Variants in MYBPH observed in about 807,000 individuals in gnomAD.
MYBPH encodes myosin binding protein H, also known as myosin-binding protein H.
Under a neutral mutation model 53.6 loss-of-function variants are expected in MYBPH, and 49 were observed. The ratio of observed to expected loss-of-function variants is 0.91; its 90% confidence interval spans 0.73 to 1.16. The LOEUF (loss-of-function observed/expected upper bound fraction) is 1.16, where lower values mean the gene tolerates loss of function less well. Among genes scored for constraint, MYBPH ranks in the 50% most tolerant of loss-of-function variants. The pLI is 0.00. For synonymous variants in MYBPH, 239 were observed against 249.6 expected, an observed-to-expected ratio of 0.96 and a Z score of 0.40; for missense variants, 558 against 624.1, an observed-to-expected ratio of 0.89 and a Z score of 1.13.
rs766838702 is a variant in MYBPH at position 203,171,521 on chromosome 1, G to A, written c.655C>T (p.Arg219Trp). 45 of 1,613,502 alleles carry A rather than the reference G, an allele frequency of 2.8e-5. No individual in the cohort carries two copies. Among genetic ancestry groups the A allele is most frequent in the Admixed American group, 6.7e-5 (4 of 60,004 alleles). The change falls in exon 5 of 11, where the codon CGG becomes TGG. Residue 219 changes from arginine to tryptophan, a missense_variant. By Grantham distance (101) the Arg-to-Trp change is moderately radical (BLOSUM62 -3). Coordinates refer to ENST00000255416, the MANE Select transcript of MYBPH (RefSeq NM_004997.3). The surrounding 1 kb of genome is among the most constrained non-coding windows in gnomAD (Gnocchi z 4.2). ...TGGTCCCCGGTGCGCATGCTCACCCGCTGGCTGTCCAGGGCATGGCCGTTG... is the reference window on the plus strand; with the variant it reads ...TGGTCCCCGGTGCGCATGCTCACCCACTGGCTGTCCAGGGCATGGCCGTTG... ...THNGHALDSQRVSMRTGDQDS... is the reference protein window; with the variant it reads ...THNGHALDSQWVSMRTGDQDS...
intron 3 of MYBPH, among the ~76,000 whole-genome samples, chr1:203,172,900 T>G (rs1249854760): frequency 6.6e-6 from 1 of 152,100 alleles, no homozygotes; most frequent in African/African-American, 2.4e-5. Context: ...AGGAACACGG[T>G]GTCTCTGAGG....
Position 203,174,482 on chromosome 1 carries a change from C to G in MYBPH, c.456G>C (p.Gly152=), listed in dbSNP as rs768989543. The change falls in exon 3 of 11, where the codon GGG becomes GGC. Residue 152 remains glycine (G), a synonymous_variant. Coordinates refer to ENST00000255416, the MANE Select transcript of MYBPH (RefSeq NM_004997.3). ...GGTCCAGCATGGCCGGCGGGCCAGC[C>G]CCTGCAGAACTCACTGCAGACACGC... The part of the protein sequence containing the change: ...LLRVSAVSSA[G]AGPPAMLDQP... The G allele has an allele frequency of 1.2e-5, 19 of 1,612,106 alleles. No individual in the cohort carries two copies. The highest frequency in any genetic ancestry group is 1.6e-5 in the Non-Finnish European group (19 of 1,178,460).
rs778899411 is a variant in MYBPH at position 203,174,461 on chromosome 1, C to T, written c.477G>A (p.Leu159=). Residue 159 remains leucine, a synonymous_variant, in exon 3 of 11, where the codon CTG becomes CTA. Transcript: ENST00000255416. The part of the protein sequence containing the change: ...SSAGAGPPAM[L]DQPIHIRENI... ...TCTCTCGGATGTGGATGGGCTGGTC[C>T]AGCATGGCCGGCGGGCCAGCCCCTG... is the stretch of plus-strand genomic sequence containing the variant. 1 of 1,609,218 alleles carries T rather than the reference C, an allele frequency of 6.2e-7. No individual in the cohort carries two copies. Among genetic ancestry groups the T allele is most frequent in the South Asian group, 1.1e-5 (1 of 90,722 alleles).
Position 203,169,063 on chromosome 1 carries a change from C to T in MYBPH, c.1260G>A (p.Met420Ile). Residue 420 changes from methionine to isoleucine, a missense_variant, in exon 9 of 11, where the codon ATG becomes ATA. By Grantham distance (10) the Met-to-Ile change is conservative. Transcript: ENST00000255416. ...KPKIIWMKNKMEIQGNPKYRA... is the reference protein window; with the variant it reads ...KPKIIWMKNKIEIQGNPKYRA... The stretch of plus-strand genomic sequence containing the variant: ...GGTATTTGGGGTTGCCCTGGATCTC[C>T]ATCTTGTTTTTCATCCAGATGATCT... 6.2e-7 allele frequency: 1 copy of T among 1,613,954 alleles called. No individual in the cohort carries two copies. The highest frequency in any genetic ancestry group is 2.2e-5 in the East Asian group (1 of 44,880).
In MYBPH at chr1:203,171,404, C is replaced by T. The variant is rs1442476014; in HGVS notation, c.772G>A (p.Val258Ile). 1.2e-6 allele frequency: 2 copies of T among 1,613,312 alleles called. No individual in the cohort carries two copies. Among genetic ancestry groups the T allele is most frequent in the East Asian group, 2.2e-5 (1 of 44,890 alleles). Residue 258 changes from valine to isoleucine, a missense_variant, in exon 5 of 11, where the codon GTC becomes ATC. Physicochemically the swap from Val to Ile is conservative, Grantham distance 29. Coordinates refer to ENST00000255416, the MANE Select transcript of MYBPH (RefSeq NM_004997.3). The surrounding 1 kb of genome is among the most constrained non-coding windows in gnomAD (Gnocchi z 4.2). Reference protein sequence around the residue: ...VRVEDLEAKAVIDILVIEKPG... With the variant: ...VRVEDLEAKAIIDILVIEKPG... ...ATACCAATCACCAGGATGTCAATGA[C>T]TGCCTTGGCCTCCAGGTCTTCCACG...
intron 9 of MYBPH, 77 bp downstream of exon 9, chr1:203,168,829 G>T (rs1655637524): frequency 2.5e-6 from 4 of 1,588,244 alleles, no homozygotes; most frequent in Admixed American, 1.7e-5. Flanking sequence ...CTTCGGCCTT[G>T]ATTTTAAGCT....
chr1:203,176,735 G>A (rs1186700701), upstream of MYBPH, among the ~76,000 whole-genome samples: 2 of 152,190 alleles, frequency 1.3e-5, no homozygotes, highest in African/African-American at 4.8e-5. Flanking sequence ...AAAATGCCAT[G>A]TGTCAGGAAG....
At position 203,171,457 on chromosome 1, in the gene MYBPH, T is replaced by C; in HGVS notation, c.719A>G (p.Asp240Gly). ...ILFIRSAQRS[D>G]SGRYELTVRV... Reference sequence around the variant, plus strand: ...CACAGTGAGCTCGTAGCGGCCAGAGTCGGAGCGCTGGGCCGAGCGAATGAA... The same window carrying C: ...CACAGTGAGCTCGTAGCGGCCAGAGCCGGAGCGCTGGGCCGAGCGAATGAA... The change falls in exon 5 of 11, where the codon GAC becomes GGC. Residue 240 changes from aspartate to glycine, a missense_variant. Asp to Gly is a moderately conservative substitution (Grantham distance 94). Transcript: ENST00000255416. This position sits in a 1 kb window ranked among gnomAD's most constrained non-coding sequence, Gnocchi z 4.2. The C allele has an allele frequency of 6.2e-7, 1 of 1,613,778 alleles. No individual in the cohort carries two copies. Among genetic ancestry groups the C allele is most frequent in the Non-Finnish European group, 8.5e-7 (1 of 1,179,992 alleles).
rs773486123 is a variant in MYBPH at position 203,171,578 on chromosome 1, C to T, written c.598G>A (p.Gly200Arg). Residue 200 changes from glycine to arginine, a missense_variant and splice_region_variant, in exon 5 of 11, where the codon GGG (glycine) becomes AGG (arginine). By Grantham distance (125) the Gly-to-Arg change is moderately radical (BLOSUM62 -2). Coordinates refer to ENST00000255416, the MANE Select transcript of MYBPH (RefSeq NM_004997.3). This position sits in a 1 kb window ranked among gnomAD's most constrained non-coding sequence, Gnocchi z 4.2. ...ETVNLQIPFQ[G>R]KPKPQATWTH... Reference sequence around the variant, plus strand: ...CATGTGGCCTGAGGCTTAGGCTTCCCCTGGCAGGGAGGAGCCCCCAGGGTG... The same window carrying T: ...CATGTGGCCTGAGGCTTAGGCTTCCTCTGGCAGGGAGGAGCCCCCAGGGTG... The T allele has an allele frequency of 6.2e-7, 1 of 1,610,526 alleles. No individual in the cohort carries two copies. The highest frequency in any genetic ancestry group is 1.1e-5 in the South Asian group (1 of 90,686).
upstream of MYBPH, among the ~76,000 whole-genome samples, chr1:203,176,037 G>A (rs917971294): frequency 1.4e-4 from 22 of 152,180 alleles, no homozygotes; most frequent in African/African-American, 5.3e-4. Flanking sequence ...CCAGGGTGCT[G>A]GTGCCCAGCT....
Position 203,174,586 on chromosome 1 carries a change from C to T in MYBPH, c.352G>A (p.Val118Met), listed in dbSNP as rs761285863. ...ELCREGASEWVPVSARPMMVT... is the reference protein window; with the variant it reads ...ELCREGASEWMPVSARPMMVT... ...ATCATGGGCCGGGCACTCACAGGCACCCACTCCGAGGCTGAGGGGATGGAG... is the reference window on the plus strand; with the variant it reads ...ATCATGGGCCGGGCACTCACAGGCATCCACTCCGAGGCTGAGGGGATGGAG... The change falls in exon 3 of 11, where the codon GTG becomes ATG. Residue 118 changes from valine (V) to methionine (M), a missense_variant. By Grantham distance (21) the Val-to-Met change is conservative. Transcript: ENST00000255416. 1.9e-6 allele frequency: 3 copies of T among 1,603,234 alleles called. No individual in the cohort carries two copies. The highest frequency in any genetic ancestry group is 2.6e-6 in the Non-Finnish European group (3 of 1,171,428).
intron 7 of MYBPH, 133 bp downstream of exon 7, chr1:203,170,158 G>A (rs907585669): frequency 7.2e-6 from 8 of 1,109,124 alleles, no homozygotes; most frequent in African/African-American, 3.1e-5. Flanking sequence ...ATGCATAGCC[G>A]TGGAGTGAGG....
upstream of MYBPH, among the ~76,000 whole-genome samples, chr1:203,177,202 A>T (rs1032909822): frequency 6.6e-6 from 1 of 152,210 alleles, no homozygotes; most frequent in African/African-American, 2.4e-5. Flanking sequence ...TGAGGCCAGT[A>T]CAAAAGTTAG....
Position 203,174,550 on chromosome 1 carries a change from G to C in MYBPH, c.388C>G (p.Gln130Glu), listed in dbSNP as rs1295444202. 1.2e-6 allele frequency: 2 copies of C among 1,611,338 alleles called. No individual in the cohort carries two copies. Among genetic ancestry groups the C allele is most frequent in the Non-Finnish European group, 1.7e-6 (2 of 1,177,780 alleles). Residue 130 changes from glutamine (Q) to glutamate (E), a missense_variant, in exon 3 of 11, where the codon CAG becomes GAG. Gln to Glu is a conservative substitution (Grantham distance 29, BLOSUM62 2). Transcript: ENST00000255416. Reference protein sequence around the residue: ...VSARPMMVTQQTVRNLALGDK... With the variant: ...VSARPMMVTQETVRNLALGDK... ...CCCAGAGCCAGGTTCCGCACAGTCTGCTGGGTCACCATCATGGGCCGGGCA... is the reference window on the plus strand; with the variant it reads ...CCCAGAGCCAGGTTCCGCACAGTCTCCTGGGTCACCATCATGGGCCGGGCA...
chr1:203,175,241 A>G lies in MYBPH; in HGVS notation c.340+86T>C, dbSNP rs559077848. 2.0e-3 allele frequency: 2,870 copies of G among 1,465,832 alleles called. 11 individuals carry two copies. The highest frequency in any genetic ancestry group is 0.015 in the Middle Eastern group (80 of 5,466). 90.8% of individuals were successfully genotyped at this position (1,465,832 alleles called of 1,614,324 possible). On this transcript the variant is annotated intron_variant, in intron 2 of 10. Coordinates refer to ENST00000255416, the MANE Select transcript of MYBPH (RefSeq NM_004997.3). ...CTCCTTCTGTATCTCTCCCAGACTG[A>G]CCAACCACAGGGCCTGTGCACTTGT...
chr1:203,169,842 A>G (rs2250509), intron 7 of MYBPH, among the ~76,000 whole-genome samples: 124,125 of 152,186 alleles, frequency 0.82, 51,196 homozygotes, highest in Non-Finnish European at 0.87. Flanking sequence ...TGACGCAAGA[A>G]GGTCAGGTGC....
upstream of MYBPH, among the ~76,000 whole-genome samples, chr1:203,177,880 C>G (rs762140597): frequency 1.3e-4 from 20 of 152,260 alleles, no homozygotes; most frequent in Admixed American, 3.3e-4. Flanking sequence ...CCCCACACCC[C>G]ACTCCACGCC....
chr1:203,171,651 C>T lies in MYBPH; in HGVS notation c.598-73G>A, dbSNP rs146910120. 781 of 1,408,716 alleles carry T rather than the reference C, an allele frequency of 5.5e-4. 8 individuals carry two copies. In the African/African-American group the frequency reaches 0.01, roughly 19 times the overall value. 87.3% of individuals were successfully genotyped at this position (1,408,716 alleles called of 1,614,324 possible). A position where few individuals can be genotyped will look rare whatever the true frequency, so the allele number is the denominator to read the frequency against. On this transcript the variant is annotated intron_variant, in intron 4 of 10. Coordinates refer to ENST00000255416, the MANE Select transcript of MYBPH (RefSeq NM_004997.3). This position sits in a 1 kb window ranked among gnomAD's most constrained non-coding sequence, Gnocchi z 4.2. ...CCCACACCTCCTTAACTCCAGGAGT[C>T]TCTGGAGCTGTTCTCGGGGAAGCCT...
At chr1:203,172,704 C>T (rs1426994017) in intron 3 of MYBPH, among the ~76,000 whole-genome samples, 1 of 152,214 alleles carries the variant, frequency 6.6e-6, no homozygotes, top group Non-Finnish European at 1.5e-5. Context: ...TAAGGAATGA[C>T]ATTCTGACCC....
Sources: allele counts gnomAD v4.1 joint callset (sites outside exome capture counted in the v4.1 genomes callset), GRCh38; gene constraint gnomAD v4.1.1; non-coding constraint Gnocchi (gnomAD v3.1); transcripts MANE v1.5; gene names NCBI Gene and HGNC (gene_info 2026-07-23, HGNC 2026-07-21).